Variants in MEGF10 observed in about 807,000 individuals in gnomAD.
MEGF10 encodes multiple EGF like domains 10.
In MEGF10, 86 loss-of-function variants were observed where a neutral mutation model predicts 147.5. That is an observed-to-expected ratio of 0.58 (90% CI 0.49 to 0.70). The LOEUF is 0.70. MEGF10 is among the 30% of genes least tolerant of loss of function. The probability of loss-of-function intolerance (pLI) is 0.00; values close to 1 mark genes in which losing one functional copy is unlikely to be tolerated. For synonymous variants in MEGF10, 478 were observed against 525.5 expected (o/e 0.91, Z 1.24); for missense variants, 1,329 against 1,487.3 (o/e 0.89, Z 1.75).
chr5:127,246,186 C>T, the MEGF10 span, among the ~76,000 whole-genome samples: 2 of 152,080 alleles, frequency 1.3e-5, no homozygotes, highest in African/African-American at 2.4e-5. Context: ...TTCACAATAG[C>T]AAAGACTTGG....
rs1039005430 is a variant in MEGF10, at chr5:127,457,404, G to T, written c.*86G>T. On this transcript the variant is annotated 3_prime_UTR_variant, in exon 25 of 25. Coordinates refer to ENST00000503335, the MANE Select transcript of MEGF10 (RefSeq NM_001256545.2). ...CCATCCTCAATTTTGCCACTTTCAT[G>T]TGAATGTTAGTCAATTCGGTGGGCA... 7 of 1,414,338 alleles carry T rather than the reference G, an allele frequency of 4.9e-6. No homozygotes were observed. The highest frequency in any genetic ancestry group is 2.4e-5 in the Admixed American group (1 of 41,354). The allele number at this position is 1,414,338 out of a possible 1,614,324, so 87.6% of individuals were successfully genotyped here.
intron 1 of MEGF10, among the ~76,000 whole-genome samples, chr5:127,325,914 T>A (rs1299407372): frequency 3.4e-5 from 5 of 146,380 alleles, no homozygotes; most frequent in African/African-American, 1.3e-4. Context: ...TATATATTTT[T>A]TTTTTTTTAA....
intron 18 of MEGF10, among the ~76,000 whole-genome samples, chr5:127,441,141 TC>T (rs1765743134): frequency 6.6e-6 from 1 of 152,198 alleles, no homozygotes; most frequent in Non-Finnish European, 1.5e-5. Context: ...TCTCCCTTCC[TC>T]TCCTTCTTAT....
intron 17 of MEGF10, among the ~76,000 whole-genome samples, chr5:127,440,419 A>C (rs944191838): frequency 1.3e-5 from 2 of 152,184 alleles, no homozygotes; most frequent in African/African-American, 4.8e-5. Context: ...AAAGAATGAA[A>C]GGAAATGTCC....
chr5:127,336,946 G>C (rs1167661415), intron 2 of MEGF10, among the ~76,000 whole-genome samples: 2 of 152,138 alleles, frequency 1.3e-5, no homozygotes, highest in African/African-American at 4.8e-5. Flanking sequence ...ATGGAACAGA[G>C]ATATAATGCT....
At chr5:127,406,220 G>T (rs190134567) in intron 8 of MEGF10, among the ~76,000 whole-genome samples, 3 of 152,142 alleles carry the variant, frequency 2.0e-5, no homozygotes, top group Non-Finnish European at 4.4e-5. Flanking sequence ...ATTTCATCTG[G>T]AGTACAGGGA....
intron 4 of MEGF10, among the ~76,000 whole-genome samples, chr5:127,358,400 G>A (rs1321656859): frequency 6.6e-6 from 1 of 152,210 alleles, no homozygotes; most frequent in East Asian, 1.9e-4. Flanking sequence ...TGATTCAGAT[G>A]TATTGGATAA....
rs1186267576 is a variant in MEGF10, at chr5:127,435,373, G to T, written c.1988G>T (p.Gly663Val). Reference sequence around the variant, plus strand: ...AGCTTATTCACAGTGTGTCCCAGTGGCAGATTTGGGAAAAACTGTGCAGGA... The same window carrying T: ...AGCTTATTCACAGTGTGTCCCAGTGTCAGATTTGGGAAAAACTGTGCAGGA... Reference protein sequence around the residue: ...GALCNEVCPSGRFGKNCAGIC... With the variant: ...GALCNEVCPSVRFGKNCAGIC... The change falls in exon 16 of 25, where the codon GGC (glycine) becomes GTC (valine). Residue 663 changes from glycine to valine, a missense_variant. Gly to Val is a moderately radical substitution (Grantham distance 109, BLOSUM62 -3). This residue lies in a region of MEGF10 where 980 missense variants were observed against 1,085.9 expected (regional missense o/e 0.90). Transcript: ENST00000503335. 5.6e-6 allele frequency: 9 copies of T among 1,613,940 alleles called. No individual in the cohort carries two copies. The highest frequency in any genetic ancestry group is 7.6e-6 in the Non-Finnish European group (9 of 1,179,890).
At chr5:127,345,221 A>G (rs1339852514) in intron 4 of MEGF10, among the ~76,000 whole-genome samples, 2 of 152,190 alleles carry the variant, frequency 1.3e-5, no homozygotes, top group Non-Finnish European at 2.9e-5. Context: ...TTGTATATAG[A>G]GCATGATGAA....
At chr5:127,238,120 A>G in the MEGF10 span, among the ~76,000 whole-genome samples, 1 of 150,202 alleles carries the variant, frequency 6.7e-6, no homozygotes, top group Non-Finnish European at 1.5e-5. Flanking sequence ...CAGTGGTGCA[A>G]TCTTGGCTCA....
chr5:127,280,868 C>A, the MEGF10 span, among the ~76,000 whole-genome samples: 1 of 152,172 alleles, frequency 6.6e-6, no homozygotes, highest in Non-Finnish European at 1.5e-5. Context: ...AGGAGAGAAA[C>A]AACAAAGGGC....
At chr5:127,360,528 T>C (rs921863086) in intron 4 of MEGF10, among the ~76,000 whole-genome samples, 1 of 151,918 alleles carries the variant, frequency 6.6e-6, no homozygotes, top group Non-Finnish European at 1.5e-5. Flanking sequence ...TGAATAGAAA[T>C]TGTAAGAGCA....
chr5:127,387,402 A>G (rs1007704466), intron 5 of MEGF10, among the ~76,000 whole-genome samples: 1 of 152,184 alleles, frequency 6.6e-6, no homozygotes, highest in Non-Finnish European at 1.5e-5. Context: ...TATCAAAACT[A>G]TTCTGATGAA....
rs115184652 is a variant in MEGF10 at position 127,410,604 on chromosome 5, G to A, written c.1130+3G>A. The stretch of plus-strand genomic sequence containing the variant: ...TGCCACCTGGAAAACACTCATAGGT[G>A]AGTGTCAGCTTCCCCTGGAAGGACG... On this transcript the variant is annotated splice_donor_region_variant and intron_variant, in intron 9 of 24. Coordinates refer to ENST00000503335, the MANE Select transcript of MEGF10 (RefSeq NM_001256545.2). 1.4e-3 allele frequency: 2,166 copies of A among 1,597,724 alleles called. 4 individuals are homozygous for A. The highest frequency in any genetic ancestry group is 1.7e-3 in the Non-Finnish European group (1,962 of 1,175,676).
the MEGF10 span, among the ~76,000 whole-genome samples, chr5:127,236,830 A>G: frequency 6.6e-6 from 1 of 152,194 alleles, no homozygotes; most frequent in African/African-American, 2.4e-5. Context: ...ACAATTGGGC[A>G]TTTACTTGAT....
At position 127,419,236 on chromosome 5, in the gene MEGF10, G is replaced by A; in HGVS notation, c.1422G>A (p.Lys474=). Residue 474 remains lysine, a synonymous_variant, in exon 11 of 25, where the codon AAG becomes AAA. Transcript: ENST00000503335. Reference sequence around the variant, plus strand: ...CTGTGGACGGGTCTTGTACTTGCAAGGCAGGTAAGAATGGGTAAATAAGTC... The same window carrying A: ...CTGTGGACGGGTCTTGTACTTGCAAAGCAGGTAAGAATGGGTAAATAAGTC... ...CSPVDGSCTC[K]AGWHGVDCSI... 6.2e-7 allele frequency: 1 copy of A among 1,612,824 alleles called. No homozygotes were observed. The highest frequency in any genetic ancestry group is 8.5e-7 in the Non-Finnish European group (1 of 1,179,734).
At chr5:127,366,082 C>T (rs1480806178) in intron 4 of MEGF10, among the ~76,000 whole-genome samples, 1 of 151,926 alleles carries the variant, frequency 6.6e-6, no homozygotes, top group Non-Finnish European at 1.5e-5. Flanking sequence ...AGAAGCAGCA[C>T]CCAGAGTAGG....
chr5:127,340,660 C>G (rs762454375), intron 4 of MEGF10, 30 bp downstream of exon 4: 1 of 1,584,252 alleles, frequency 6.3e-7, no homozygotes, highest in Non-Finnish European at 8.7e-7. Context: ...CTTTGAGATT[C>G]GCTAGTTTTT....
At chr5:127,302,393 G>A (rs531494951) in intron 1 of MEGF10, among the ~76,000 whole-genome samples, 6 of 152,276 alleles carry the variant, frequency 3.9e-5, no homozygotes, top group African/African-American at 1.4e-4. Context: ...ATATTGTGTG[G>A]TTTCACTTAT....
Sources: gnomAD v4.1 joint callset for allele counts (sites outside exome capture counted in the v4.1 genomes callset) on GRCh38, gnomAD v4.1.1 for gene constraint, gnomAD v4.1.1 regional missense constraint, MANE v1.5 for transcripts, NCBI Gene and HGNC (gene_info 2026-07-23, HGNC 2026-07-21) for gene names.